Variants in NID2 observed in about 807,000 individuals in gnomAD.
The protein encoded by NID2 is nidogen 2.
In NID2, 83 loss-of-function variants were observed where a neutral mutation model predicts 145.4. That is an observed-to-expected ratio of 0.57 (90% confidence interval 0.48 to 0.69). The LOEUF is 0.69. NID2 is among the 30% of genes least tolerant of loss of function. The probability of loss-of-function intolerance (pLI) is 0.00; values close to 1 mark genes in which losing one functional copy is unlikely to be tolerated. For synonymous variants in NID2, 739 were observed against 701.3 expected (o/e 1.05, Z -0.85); for missense variants, 1,807 against 1,765.7 (o/e 1.02, Z -0.42).
At chr14:52,009,614 A>G (rs1890929451) in intron 18 of NID2, 2 of 152,216 alleles carry the variant, frequency 1.3e-5, no homozygotes, top group South Asian at 4.1e-4. Context: ...GCTTAAAAGT[A>G]TGCTTTTTCC....
At position 52,060,371 on chromosome 14, in the gene NID2, AAAAAAAAAG is replaced by A; in HGVS notation, c.535-24_535-16del. The A allele has an allele frequency of 7.8e-7, 1 of 1,278,576 alleles. No individual in the cohort carries two copies. The highest frequency in any genetic ancestry group is 1.1e-6 in the Non-Finnish European group (1 of 950,564). The allele number at this position is 1,278,576 out of a possible 1,614,324, so 79.2% of individuals were successfully genotyped here. ...AAAGTGTTCAGCTGTGAGGAAAAAAAAAAAAAAAGAGAGAGAGAGAGAGAGAAACATCCT... is the reference window on the plus strand; with the variant it reads ...AAAGTGTTCAGCTGTGAGGAAAAAAAAGAGAGAGAGAGAGAGAAACATCCT... On this transcript the variant is annotated splice_polypyrimidine_tract_variant and intron_variant, in intron 2 of 21. Transcript: ENST00000216286.
In NID2 at chr14:52,060,111, C is replaced by A; in HGVS notation, c.767+13G>T. 1 of 1,573,450 alleles carries A rather than the reference C, an allele frequency of 6.4e-7. No individual in the cohort carries two copies. The highest frequency in any genetic ancestry group is 1.1e-5 in the South Asian group (1 of 89,210). On this transcript the variant is annotated intron_variant, in intron 3 of 21. Transcript: ENST00000216286. ...ATTCAAATAGGAAAGGGCTTCAGCT[C>A]AATGTTACTTACTGATAGAGATTTT...
chr14:52,015,352 AC>A, intron 14 of NID2, 77 bp from the exon 15 acceptor site: 1 of 1,379,358 alleles, frequency 7.2e-7, no homozygotes, highest in Non-Finnish European at 9.9e-7. Flanking sequence ...GTAGCTCAAG[AC>A]CCCATGCCTG....
chr14:52,050,410 C>G (rs192114773), intron 5 of NID2, among the ~76,000 whole-genome samples: 3 of 152,336 alleles, frequency 2.0e-5, no homozygotes, highest in African/African-American at 7.2e-5. Context: ...AGGCCTGGCT[C>G]AAGCCCCTCC....
At chr14:52,017,098 C>T (rs1248801903) in intron 14 of NID2, among the ~76,000 whole-genome samples, 1 of 152,094 alleles carries the variant, frequency 6.6e-6, no homozygotes, top group Non-Finnish European at 1.5e-5. Flanking sequence ...GCAGGATTTC[C>T]TGGAGAAGTT....
chr14:52,046,700 G>A (rs549729996), intron 5 of NID2, among the ~76,000 whole-genome samples: 34 of 152,312 alleles, frequency 2.2e-4, no homozygotes, highest in African/African-American at 8.2e-4. Flanking sequence ...CAATGAGCAG[G>A]CTCCCATGAA....
chr14:52,007,664 A>G, intron 19 of NID2, 146 bp downstream of exon 19: 2 of 741,964 alleles, frequency 2.7e-6, no homozygotes, highest in Non-Finnish European at 4.6e-6. Context: ...CTCATTTACT[A>G]GTACTTAAAT....
intron 12 of NID2, among the ~76,000 whole-genome samples, chr14:52,023,570 TG>T (rs1450905674): frequency 6.6e-6 from 1 of 152,194 alleles, no homozygotes; most frequent in Non-Finnish European, 1.5e-5. Flanking sequence ...ATGATGGCTC[TG>T]GGTAATGGGC....
chr14:52,021,244 G>A (rs1891393848), intron 12 of NID2, among the ~76,000 whole-genome samples: 1 of 151,972 alleles, frequency 6.6e-6, no homozygotes, highest in Admixed American at 6.6e-5. Flanking sequence ...ATGTGGGATG[G>A]TGTGATCAGT....
chr14:52,068,679 GT>G (rs1281933492), intron 1 of NID2, 87 bp downstream of exon 1: 2 of 1,235,050 alleles, frequency 1.6e-6, no homozygotes, highest in Non-Finnish European at 2.3e-6. Flanking sequence ...AGTGGGGTCT[GT>G]TTCCTCCCCT....
intron 9 of NID2, among the ~76,000 whole-genome samples, chr14:52,036,475 A>G (rs866295385): frequency 2.6e-5 from 4 of 152,220 alleles, no homozygotes; most frequent in South Asian, 2.1e-4. Context: ...ATATACACGA[A>G]TAAGTTTTTG....
At chr14:52,008,626 A>G (rs373853801) in intron 18 of NID2, 2 of 152,174 alleles carry the variant, frequency 1.3e-5, no homozygotes, top group South Asian at 2.1e-4. Flanking sequence ...CTAAGTTACT[A>G]TCAGAATCCC....
At chr14:52,006,310 T>A (rs752422298) in intron 20 of NID2, 2 of 497,240 alleles carry the variant, frequency 4.0e-6, no homozygotes, top group Non-Finnish European at 7.3e-6. Context: ...TTAAGCTATA[T>A]GTGAGCAATA....
At chr14:52,054,428 A>G in intron 3 of NID2, 107 bp from the exon 4 acceptor site, 1 of 1,131,222 alleles carries the variant, frequency 8.8e-7, no homozygotes, top group South Asian at 1.6e-5. Flanking sequence ...ACAGCTGGGC[A>G]TGGTGGCTCA....
intron 2 of NID2, 105 bp downstream of exon 2, chr14:52,067,753 A>C (rs1044950771): frequency 1.5e-6 from 2 of 1,340,642 alleles, no homozygotes; most frequent in Non-Finnish European, 2.1e-6. Context: ...GGTTCAGCGC[A>C]AGAGTAGGCT....
At chr14:52,038,310 G>A (rs1255554471) in intron 9 of NID2, among the ~76,000 whole-genome samples, 2 of 152,208 alleles carry the variant, frequency 1.3e-5, no homozygotes, top group Middle Eastern at 3.4e-3. Flanking sequence ...CTTAGTTTTG[G>A]ATGAAATTCT....
chr14:52,033,857 G>A (rs1891964169), intron 9 of NID2, among the ~76,000 whole-genome samples: 1 of 152,218 alleles, frequency 6.6e-6, no homozygotes, highest in African/African-American at 2.4e-5. Flanking sequence ...TGAGGCCACT[G>A]TGGAACAGCA....
chr14:52,038,560 G>C (rs556670276), intron 9 of NID2, among the ~76,000 whole-genome samples, 187 bp downstream of exon 9: 16 of 152,104 alleles, frequency 1.1e-4, no homozygotes, highest in African/African-American at 3.6e-4. Context: ...CAGGGACACT[G>C]TTCCCTGCCC....
intron 5 of NID2, among the ~76,000 whole-genome samples, chr14:52,047,495 T>G (rs895212099): frequency 3.9e-5 from 6 of 152,076 alleles, no homozygotes; most frequent in Non-Finnish European, 8.8e-5. Flanking sequence ...TGAGCTTTCA[T>G]CTGAGTGAGA....
Sources: allele counts gnomAD v4.1 joint callset (sites outside exome capture counted in the v4.1 genomes callset), GRCh38; gene constraint gnomAD v4.1.1; transcripts MANE v1.5; gene names NCBI Gene and HGNC (gene_info 2026-07-23, HGNC 2026-07-21).